Variants in DRC3 observed in about 807,000 individuals in gnomAD.
DRC3 encodes the protein leucine rich repeat containing 48.
DRC3 carries 45 observed loss-of-function variants against 57.6 expected under a neutral mutation model. The observed-to-expected ratio is 0.78, with a 90% CI of 0.62 to 1.00. The LOEUF (loss-of-function observed/expected upper bound fraction) is 1.00. DRC3 is among the 50% of genes least tolerant of loss of function. DRC3 has a pLI of 0.00. For synonymous variants in DRC3, 257 were observed against 272.3 expected (o/e 0.94, Z 0.55); for missense variants, 655 against 675.2 (o/e 0.97, Z 0.33).
At chr17:18,003,484 TAAAAAAAAAAA>T (rs71155309) in intron 9 of DRC3, among the ~76,000 whole-genome samples, 37 of 30,128 alleles carry the variant, frequency 1.2e-3, no homozygotes, top group South Asian at 5.6e-3. Flanking sequence ...ACTACGTCTT[TAAAAAAAAAAA>T]AAAAAAAAAA....
chr17:18,007,237 C>A, intron 12 of DRC3, 90 bp downstream of exon 12: 1 of 652,046 alleles, frequency 1.5e-6, no homozygotes, highest in South Asian at 2.2e-5. Context: ...GCCTGACAAC[C>A]TCCCAGAGCC....
chr17:18,007,125 A>T lies in DRC3; in HGVS notation c.1304A>T (p.Asp435Val), dbSNP rs764981958. The T allele has an allele frequency of 9.4e-7, 1 of 1,067,106 alleles. No individual in the cohort carries two copies. The highest frequency in any genetic ancestry group is 1.2e-6 in the Non-Finnish European group (1 of 867,582). The allele number at this position is 1,067,106 out of a possible 1,614,324, so 66.1% of individuals were successfully genotyped here. Residue 435 changes from aspartate (D) to valine (V), a missense_variant, in exon 12 of 14, where the codon GAC (aspartate) becomes GTC (valine). By Grantham distance (152) the Asp-to-Val change is radical (BLOSUM62 -3). Coordinates refer to ENST00000399187, the MANE Select transcript of DRC3 (RefSeq NM_031294.4). ...EKIVEGDLDE[D>V]LPNDLRALFV... ...ATTGTCGAGGGCGACCTGGACGAGG[A>T]CCTGCCTAACGACCTGCGCGCGGTA...
rs568638623 is a variant in DRC3, at chr17:18,001,387, C to T, written c.1000-2976C>T. On this transcript the variant is annotated intron_variant, in intron 9 of 13. Coordinates refer to ENST00000399187, the MANE Select transcript of DRC3 (RefSeq NM_031294.4). ...GGGTGGTGATGCATGCCTGTAATCC[C>T]AGCTACTTGGGAGGCTGAGGCAGGA... is the stretch of plus-strand genomic sequence containing the variant. Among the ~76,000 whole-genome samples the T allele has an allele frequency of 1.1e-4, 17 of 152,128 alleles. 1 individual carries two copies. Among genetic ancestry groups the T allele is most frequent in the South Asian group, 8.3e-4 (4 of 4,820 alleles).
At chr17:17,987,172 G>A (rs1001332976) in intron 4 of DRC3, among the ~76,000 whole-genome samples, 2 of 127,434 alleles carry the variant, frequency 1.6e-5, no homozygotes, top group Non-Finnish European at 3.1e-5. Context: ...CCGTGATTGC[G>A]CCACTGCACT....
At chr17:17,994,660 G>A (rs1009824310) in intron 7 of DRC3, among the ~76,000 whole-genome samples, 1 of 152,188 alleles carries the variant, frequency 6.6e-6, no homozygotes, top group Non-Finnish European at 1.5e-5. Flanking sequence ...CTGCTGGAGA[G>A]AATGTGCTAA....
rs868267352 is a variant in DRC3 at position 17,978,997 on chromosome 17, G to A, written c.160+1239G>A. On this transcript the variant is annotated intron_variant, in intron 3 of 13. Transcript: ENST00000399187. ...AGGAAAATAATACTATTTGCTAAAC[G>A]TAATATGTGGTGTGGAGGAAAAAAG... Among the ~76,000 whole-genome samples the A allele has an allele frequency of 7.9e-5, 12 of 152,352 alleles. No homozygotes were observed. In the East Asian group the frequency reaches 9.6e-4, roughly 12 times the overall value.
intron 7 of DRC3, 86 bp from the exon 8 acceptor site, chr17:17,994,913 C>T: frequency 2.3e-6 from 2 of 863,528 alleles, no homozygotes; most frequent in Non-Finnish European, 3.9e-6. Flanking sequence ...CATGCTCCCT[C>T]CTGACCTGCC....
chr17:18,003,639 T>TC (rs2043833564), intron 9 of DRC3, among the ~76,000 whole-genome samples: 1 of 117,396 alleles, frequency 8.5e-6, no homozygotes. Context: ...TTAAGTATCT[T>TC]TTTTTTTTTT....
chr17:17,988,045 G>A lies in DRC3; in HGVS notation c.391G>A (p.Val131Ile), dbSNP rs202136595. 127 of 1,613,832 alleles carry A rather than the reference G, an allele frequency of 7.9e-5. No homozygotes were observed. The highest frequency in any genetic ancestry group is 4.0e-5 in the African/African-American group (3 of 74,910). ...CAAGATCGACTCCCTGGACGCCCTC[G>A]TCAAGCTGCAGGTGTTGTCGCTGGG... ...ISKIDSLDAL[V>I]KLQVLSLGNN... The change falls in exon 5 of 14, where the codon GTC (valine) becomes ATC (isoleucine). Residue 131 changes from valine to isoleucine, a missense_variant. Val to Ile is a conservative substitution (Grantham distance 29). Transcript: ENST00000399187.
At chr17:18,009,579 A>G (rs1234823477) in intron 12 of DRC3, among the ~76,000 whole-genome samples, 1 of 152,188 alleles carries the variant, frequency 6.6e-6, no homozygotes, top group Non-Finnish European at 1.5e-5. Context: ...TGAGGCACAG[A>G]GATGAAGGTA....
At chr17:17,994,106 A>C in intron 6 of DRC3, 193 bp from the exon 7 acceptor site, 1 of 665,628 alleles carries the variant, frequency 1.5e-6, no homozygotes, top group Non-Finnish European at 2.4e-6. Flanking sequence ...CGCTCACAAA[A>C]ACCTGGTGAG....
intron 5 of DRC3, among the ~76,000 whole-genome samples, chr17:17,991,940 A>G (rs995218268): frequency 2.0e-5 from 3 of 152,170 alleles, no homozygotes; most frequent in Non-Finnish European, 4.4e-5. Context: ...CAGGAGCTCG[A>G]GACCAGCCTG....
intron 9 of DRC3, among the ~76,000 whole-genome samples, chr17:18,003,389 G>GGCA (rs993837843): frequency 2.0e-5 from 3 of 146,364 alleles, no homozygotes; most frequent in African/African-American, 7.5e-5. Context: ...AGGAGACTGA[G>GGCA]GCAGAGAATT....
chr17:17,980,144 A>G (rs1372713229), intron 3 of DRC3, among the ~76,000 whole-genome samples: 1 of 152,096 alleles, frequency 6.6e-6, no homozygotes, highest in Non-Finnish European at 1.5e-5. Context: ...CAGGGAGGGG[A>G]GCTAGGAGGG....
intron 5 of DRC3, among the ~76,000 whole-genome samples, chr17:17,991,268 A>ATCC (rs1406961995): frequency 6.8e-6 from 1 of 147,522 alleles, no homozygotes; most frequent in Non-Finnish European, 1.5e-5. Context: ...TCTAGATGCT[A>ATCC]TCCAATGAAG....
At chr17:18,006,865 G>A (rs1597634694) in intron 11 of DRC3, 159 bp from the exon 12 acceptor site, 4 of 1,172,980 alleles carry the variant, frequency 3.4e-6, no homozygotes, top group East Asian at 2.7e-5. Context: ...GCAGGGAGTC[G>A]AGGAAGGCCC....
intron 12 of DRC3, chr17:18,007,613 TCAG>T: frequency 7.0e-7 from 1 of 1,425,812 alleles, no homozygotes; most frequent in Non-Finnish European, 9.2e-7. Flanking sequence ...GGTCACAAAA[TCAG>T]CAGGGTCGGC....
chr17:18,006,986 C>T, intron 11 of DRC3, 38 bp from the exon 12 acceptor site: 1 of 1,610,772 alleles, frequency 6.2e-7, no homozygotes. Context: ...CGCGCCGGGC[C>T]TGCTCCTCCC....
intron 2 of DRC3, among the ~76,000 whole-genome samples, chr17:17,975,999 C>G (rs149525109): frequency 6.6e-6 from 1 of 152,046 alleles, no homozygotes; most frequent in Admixed American, 6.5e-5. Context: ...GATTGTATGG[C>G]CCAACCTGGC....
Sources: gnomAD v4.1 joint callset for allele counts (sites outside exome capture counted in the v4.1 genomes callset) on GRCh38, gnomAD v4.1.1 for gene constraint, MANE v1.5 for transcripts, NCBI Gene and HGNC (gene_info 2026-07-23, HGNC 2026-07-21) for gene names.